SCYL3: variants seen among roughly 807,000 people sequenced by gnomAD.
SCYL3 encodes the protein SCY1 like pseudokinase 3, also known as protein-associating with the carboxyl-terminal domain of ezrin.
Under a neutral mutation model 73.8 loss-of-function variants are expected in SCYL3, and 35 were observed. The observed-to-expected ratio is 0.47, with a 90% confidence interval of 0.36 to 0.63. The LOEUF is 0.63. SCYL3 is among the 20% of genes least tolerant of loss of function. The pLI is 0.00. For synonymous variants in SCYL3, 277 were observed against 295.2 expected (o/e 0.94, Z 0.63); for missense variants, 712 against 798.9 (o/e 0.89, Z 1.31).
chr1:169,867,599 G>C (rs1660124469), intron 7 of SCYL3, among the ~76,000 whole-genome samples: 1 of 152,206 alleles, frequency 6.6e-6, no homozygotes, highest in African/African-American at 2.4e-5. Context: ...GGCCCAGTAA[G>C]CAGAGATACC....
At position 169,853,658 on chromosome 1, in the gene SCYL3, G is replaced by T; in HGVS notation, c.*55C>A. ...TCCCAAAGCCTGCTTTTGAGGTATT[G>T]ATTTTTTTTAAAAAAAGGGAATCCT... is the stretch of plus-strand genomic sequence containing the variant. On this transcript the variant is annotated 3_prime_UTR_variant, in exon 13 of 13. Coordinates refer to ENST00000367771, the MANE Select transcript of SCYL3 (RefSeq NM_020423.7). 1.9e-6 allele frequency: 3 copies of T among 1,585,774 alleles called. No homozygotes were observed. Among genetic ancestry groups the T allele is most frequent in the Non-Finnish European group, 2.6e-6 (3 of 1,159,316 alleles).
rs377103666 is a variant in SCYL3 at position 169,870,327 on chromosome 1, G to A, written c.553C>T (p.His185Tyr). The A allele has an allele frequency of 3.1e-6, 5 of 1,613,198 alleles. No homozygotes were observed. The highest frequency in any genetic ancestry group is 4.2e-6 in the Non-Finnish European group (5 of 1,179,604). ...SPEFTTLPEC[H>Y]GHARDAFSFG... ...GAAAAGGCATCCCGGGCATGTCCAT[G>A]ACACTCTGGGAGAGTTGTGAATTCT... The change falls in exon 6 of 13, where the codon CAT becomes TAT. Residue 185 changes from histidine (H) to tyrosine (Y), a missense_variant. This residue lies in a region of SCYL3 where 342 missense variants were observed against 448.1 expected (regional missense o/e 0.76). Transcript: ENST00000367771.
intron 3 of SCYL3, among the ~76,000 whole-genome samples, chr1:169,877,058 G>T (rs1189919148): frequency 1.5e-5 from 2 of 135,930 alleles, no homozygotes; most frequent in Admixed American, 1.5e-4. Flanking sequence ...ATAAGTAAAA[G>T]AAAGGGAGAA....
Position 169,853,707 on chromosome 1 carries a change from C to T in SCYL3, c.*6G>A, listed in dbSNP as rs777555556. 7 of 1,613,168 alleles carry T rather than the reference C, an allele frequency of 4.3e-6. No homozygotes were observed. Among genetic ancestry groups the T allele is most frequent in the Non-Finnish European group, 5.9e-6 (7 of 1,179,530 alleles). ...CTTTTTCCTAAAGTTTAACTCACAT[C>T]TATTGTCACCAGTTATTATCTTCCC... On this transcript the variant is annotated 3_prime_UTR_variant, in exon 13 of 13. Transcript: ENST00000367771.
intron 1 of SCYL3, among the ~76,000 whole-genome samples, chr1:169,891,888 T>C (rs1304649096): frequency 6.6e-6 from 1 of 152,232 alleles, no homozygotes; most frequent in Non-Finnish European, 1.5e-5. Flanking sequence ...TGAATTCCAC[T>C]ATAATTAACA....
intron 5 of SCYL3, among the ~76,000 whole-genome samples, chr1:169,873,222 A>G (rs1347655313): frequency 6.6e-6 from 1 of 152,138 alleles, no homozygotes; most frequent in East Asian, 1.9e-4. Flanking sequence ...AGGTCTCACA[A>G]GACCTGATGG....
Position 169,858,521 on chromosome 1 carries a change from T to C in SCYL3, c.1312+520A>G, listed in dbSNP as rs192892975. ...ATAAGCAGAAGGAATACACTAATGA[T>C]TAAAAGTAAATATATAAACCAGTTA... is the stretch of plus-strand genomic sequence containing the variant. On this transcript the variant is annotated intron_variant, in intron 11 of 12. Coordinates refer to ENST00000367771, the MANE Select transcript of SCYL3 (RefSeq NM_020423.7). Among the ~76,000 whole-genome samples, 552 of 152,320 alleles carry C rather than the reference T, an allele frequency of 3.6e-3. 4 individuals carry two copies. Among genetic ancestry groups the C allele is most frequent in the African/African-American group, 0.013 (537 of 41,564 alleles).
Position 169,849,689 on chromosome 1 carries a change from G to A in SCYL3, c.*4024C>T. ...CCAGAACAATCCCAAAACATTTATT[G>A]AACTGCTTCTGTATTGCAATCGGAA... On this transcript the variant is annotated 3_prime_UTR_variant, in exon 13 of 13. Transcript: ENST00000367771. The A allele has an allele frequency of 9.3e-7, 1 of 1,076,076 alleles. No individual in the cohort carries two copies. The allele number at this position is 1,076,076 out of a possible 1,614,324, so 66.7% of individuals were successfully genotyped here. A position where few individuals can be genotyped will look rare whatever the true frequency, so the allele number is the denominator to read the frequency against.
rs1379870721 is a variant in SCYL3 at position 169,853,388 on chromosome 1, TTTTC to T, written c.*321_*324del. 2.6e-5 allele frequency: 9 copies of T among 343,152 alleles called. No homozygotes were observed. The highest frequency in any genetic ancestry group is 1.5e-4 in the African/African-American group (7 of 46,796). The allele number at this position is 343,152 out of a possible 1,614,324, so 21.3% of individuals were successfully genotyped here. On this transcript the variant is annotated 3_prime_UTR_variant, in exon 13 of 13. Transcript: ENST00000367771. ...ATTAAGCTAACCAGCTTGAATTACA[TTTTC>T]TTTACTTCCAGAATTGTCCTGGAAA...
chr1:169,887,898 T>A (rs1208361447), intron 2 of SCYL3, among the ~76,000 whole-genome samples: 4 of 152,238 alleles, frequency 2.6e-5, no homozygotes, highest in Non-Finnish European at 5.9e-5. Flanking sequence ...CAATGTTCCA[T>A]ACCTGTTGAT....
In SCYL3 at chr1:169,888,757, G is replaced by C. The variant is rs574636645; in HGVS notation, c.84C>G (p.Pro28=). 7 of 1,613,868 alleles carry C rather than the reference G, an allele frequency of 4.3e-6. No homozygotes were observed. The East Asian group carries it at 1.6e-4, about 36-fold the overall frequency. ...FTLPSGLAVY[P]AVLQDGKFAS... is the part of the protein sequence containing the mutation. The stretch of plus-strand genomic sequence containing the variant: ...CAAATTTGCCATCTTGCAGTACAGC[G>C]GGATAAACAGCAAGTCCAGAGGGTA... Residue 28 remains proline (P), a synonymous_variant, in exon 2 of 13, where the codon CCC becomes CCG. Transcript: ENST00000367771.
At position 169,851,800 on chromosome 1, in the gene SCYL3, T is replaced by G; in HGVS notation, c.*1913A>C. On this transcript the variant is annotated 3_prime_UTR_variant, in exon 13 of 13. Coordinates refer to ENST00000367771, the MANE Select transcript of SCYL3 (RefSeq NM_020423.7). ...TAACATGTTGCTATTTGCTTGGTTT[T>G]TCATGGTCCCTGGCAGACTGGGTTT... 6.2e-7 allele frequency: 1 copy of G among 1,611,068 alleles called. No individual in the cohort carries two copies. The highest frequency in any genetic ancestry group is 8.5e-7 in the Non-Finnish European group (1 of 1,178,446).
intron 2 of SCYL3, 47 bp downstream of exon 2, chr1:169,888,629 A>G (rs1019955238): frequency 6.8e-7 from 1 of 1,466,608 alleles, no homozygotes; most frequent in African/African-American, 1.4e-5. Context: ...AAAAGAAAAC[A>G]AGATAGTAAA....
intron 10 of SCYL3, among the ~76,000 whole-genome samples, chr1:169,861,397 G>C (rs1659639248): frequency 1.3e-5 from 2 of 152,118 alleles, no homozygotes; most frequent in Admixed American, 1.3e-4. Context: ...AATGTCACAT[G>C]GGGGGATACA....
At chr1:169,889,519 G>A (rs977582453) in intron 1 of SCYL3, among the ~76,000 whole-genome samples, 2 of 151,986 alleles carry the variant, frequency 1.3e-5, no homozygotes, top group South Asian at 2.1e-4. Flanking sequence ...AAGTACGATC[G>A]CACTACTCTT....
intron 2 of SCYL3, among the ~76,000 whole-genome samples, chr1:169,884,902 C>G (rs1237368316): frequency 6.6e-6 from 1 of 152,198 alleles, no homozygotes. Flanking sequence ...CACACAGATT[C>G]ACAGGAAAGG....
Position 169,864,516 on chromosome 1 carries a change from C to CAAAAAAA in SCYL3, c.816-9_816-8insTTTTTTT. ...ACTCTGTCCAGCAGAAATCTGAGGACAAAAAGGGAAAGCCCAGGAAACTGG... is the reference window on the plus strand; with the variant it reads ...ACTCTGTCCAGCAGAAATCTGAGGACAAAAAAAAAAAAGGGAAAGCCCAGGAAACTGG... On this transcript the variant is annotated splice_polypyrimidine_tract_variant and intron_variant, in intron 8 of 12. Transcript: ENST00000367771. The CAAAAAAA allele has an allele frequency of 6.3e-7, 1 of 1,578,250 alleles. No homozygotes were observed. Among genetic ancestry groups the CAAAAAAA allele is most frequent in the African/African-American group, 1.4e-5 (1 of 72,878 alleles).
chr1:169,853,050 A>T lies in SCYL3; in HGVS notation c.*663T>A, dbSNP rs1658626762. On this transcript the variant is annotated 3_prime_UTR_variant, in exon 13 of 13. Coordinates refer to ENST00000367771, the MANE Select transcript of SCYL3 (RefSeq NM_020423.7). ...CAACTGAAAATACTTATGTCTGTACATTTTCTAACAGATATAAAACAAATT... is the reference window on the plus strand; with the variant it reads ...CAACTGAAAATACTTATGTCTGTACTTTTTCTAACAGATATAAAACAAATT... 1 of 1,513,480 alleles carries T rather than the reference A, an allele frequency of 6.6e-7. No homozygotes were observed. The highest frequency in any genetic ancestry group is 1.2e-5 in the South Asian group (1 of 86,108). The allele number at this position is 1,513,480 out of a possible 1,614,324, so 93.8% of individuals were successfully genotyped here.
chr1:169,862,508 G>T, intron 10 of SCYL3, 105 bp downstream of exon 10: 1 of 1,208,538 alleles, frequency 8.3e-7, no homozygotes, highest in Non-Finnish European at 1.2e-6. Flanking sequence ...ACAGACTGCT[G>T]CCTGAAGGCT....
Sources: gnomAD v4.1 joint callset for allele counts (sites outside exome capture counted in the v4.1 genomes callset) on GRCh38, gnomAD v4.1.1 for gene constraint, gnomAD v4.1.1 regional missense constraint, MANE v1.5 for transcripts, NCBI Gene and HGNC (gene_info 2026-07-23, HGNC 2026-07-21) for gene names.